Variants in TAS2R1 observed in about 807,000 individuals in gnomAD.
TAS2R1 encodes taste receptor type 2 member 1.
For synonymous variants in TAS2R1, 141 were observed against 134.2 expected, an observed-to-expected ratio of 1.05 and a Z score of -0.35; for missense variants, 370 against 353.4, an observed-to-expected ratio of 1.05 and a Z score of -0.38.
chr5:9,673,692 C>T (rs1358506306), intron 1 of TAS2R1, among the ~76,000 whole-genome samples: 1 of 151,590 alleles, frequency 6.6e-6, no homozygotes, highest in Non-Finnish European at 1.5e-5. Flanking sequence ...AAAAGTTTAG[C>T]GTTACCAGAG....
At chr5:9,842,671 T>C in the TAS2R1 span, among the ~76,000 whole-genome samples, 1 of 152,112 alleles carries the variant, frequency 6.6e-6, no homozygotes, top group Non-Finnish European at 1.5e-5. Context: ...TAAGCTGATT[T>C]GTGGCAAAGT....
At chr5:9,650,365 A>T (rs1366803257) in intron 2 of TAS2R1, among the ~76,000 whole-genome samples, 1 of 152,072 alleles carries the variant, frequency 6.6e-6, no homozygotes, top group Non-Finnish European at 1.5e-5. Context: ...GGGTGGGCAC[A>T]ATAAAAACTG....
the TAS2R1 span, among the ~76,000 whole-genome samples, chr5:9,866,698 C>A: frequency 6.6e-6 from 1 of 152,250 alleles, no homozygotes; most frequent in African/African-American, 2.4e-5. Context: ...TCATTCACTA[C>A]AATTTTTGTC....
chr5:9,644,791 A>C (rs149561470), intron 2 of TAS2R1, among the ~76,000 whole-genome samples: 2,337 of 152,262 alleles, frequency 0.015, 28 homozygotes, highest in Middle Eastern at 0.034. Flanking sequence ...GTCTGATGCC[A>C]TCTCTTTGTG....
upstream of TAS2R1, among the ~76,000 whole-genome samples, chr5:9,715,213 G>A (rs1317244201): frequency 6.6e-6 from 1 of 152,214 alleles, no homozygotes; most frequent in Non-Finnish European, 1.5e-5. Context: ...CTAGGAATTT[G>A]GGGCATATGG....
the TAS2R1 span, among the ~76,000 whole-genome samples, chr5:9,779,771 A>G: frequency 2.6e-5 from 4 of 152,268 alleles, no homozygotes; most frequent in Non-Finnish European, 5.9e-5. Flanking sequence ...AAAATGTTAC[A>G]CAGAGACCTG....
intron 1 of TAS2R1, among the ~76,000 whole-genome samples, chr5:9,700,195 A>T (rs546199494): frequency 2.0e-5 from 3 of 152,128 alleles, no homozygotes; most frequent in Non-Finnish European, 2.9e-5. Flanking sequence ...GAGTAAGTTG[A>T]TTTTTTAAAA....
the TAS2R1 span, among the ~76,000 whole-genome samples, chr5:9,886,315 A>G: frequency 2.0e-3 from 294 of 145,568 alleles, 2 homozygotes; most frequent in African/African-American, 7.3e-3. Flanking sequence ...TACAGGTGTG[A>G]GCCACTGCGC....
the TAS2R1 span, among the ~76,000 whole-genome samples, chr5:9,790,769 C>T: frequency 2.0e-5 from 3 of 152,296 alleles, no homozygotes; most frequent in Admixed American, 2.0e-4. Flanking sequence ...GCTGGCATTA[C>T]AGTCACTCGC....
At chr5:9,903,575 T>C in the TAS2R1 span, 3 of 152,014 alleles carry the variant, frequency 2.0e-5, no homozygotes, top group Admixed American at 2.0e-4. Context: ...ACAGATGATG[T>C]TTGGTTTTCC....
At chr5:9,693,982 A>C (rs1741306973) in intron 1 of TAS2R1, among the ~76,000 whole-genome samples, 1 of 152,224 alleles carries the variant, frequency 6.6e-6, no homozygotes, top group African/African-American at 2.4e-5. Context: ...TCTTCAAAGA[A>C]ATTACAAAAG....
chr5:9,834,060 C>A, the TAS2R1 span, among the ~76,000 whole-genome samples: 1 of 152,206 alleles, frequency 6.6e-6, no homozygotes, highest in African/African-American at 2.4e-5. Flanking sequence ...AGCTCCCCAG[C>A]TGCTCCCTTA....
the TAS2R1 span, among the ~76,000 whole-genome samples, chr5:9,892,081 C>T: frequency 6.6e-6 from 1 of 152,298 alleles, no homozygotes; most frequent in Admixed American, 6.5e-5. Flanking sequence ...CACACACACC[C>T]CAACCCTCTC....
the TAS2R1 span, among the ~76,000 whole-genome samples, chr5:9,854,734 G>A: frequency 6.6e-6 from 1 of 152,144 alleles, no homozygotes; most frequent in African/African-American, 2.4e-5. Flanking sequence ...ACAAAAAACA[G>A]GGAAGGTTAA....
chr5:9,895,979 A>T, the TAS2R1 span, among the ~76,000 whole-genome samples: 26 of 152,334 alleles, frequency 1.7e-4, no homozygotes, highest in African/African-American at 6.3e-4. Context: ...ACTGGTGAAA[A>T]TAGTGGCCTC....
the TAS2R1 span, among the ~76,000 whole-genome samples, chr5:9,726,692 G>A: frequency 3.3e-5 from 5 of 152,170 alleles, no homozygotes; most frequent in African/African-American, 7.2e-5. Flanking sequence ...TAGTTACCGC[G>A]AGGGTCCGCG....
At chr5:9,635,828 T>C (rs2521558) in intron 2 of TAS2R1, among the ~76,000 whole-genome samples, 144,386 of 152,194 alleles carry the variant, frequency 0.95, 69,112 homozygotes, top group Non-Finnish European at 1. Flanking sequence ...CTTCTCTCAT[T>C]TTTTCTTGGT....
At chr5:9,726,409 G>C in the TAS2R1 span, among the ~76,000 whole-genome samples, 11 of 152,282 alleles carry the variant, frequency 7.2e-5, no homozygotes, top group South Asian at 2.1e-3. Context: ...CCAGATAAGA[G>C]AATAAAAGCA....
the TAS2R1 span, among the ~76,000 whole-genome samples, chr5:9,744,810 AT>A: frequency 6.6e-6 from 1 of 152,204 alleles, no homozygotes; most frequent in Non-Finnish European, 1.5e-5. Context: ...TAAATTTTCC[AT>A]TTTGACTCAG....
Sources: allele counts gnomAD v4.1 joint callset (sites outside exome capture counted in the v4.1 genomes callset), GRCh38; gene constraint gnomAD v4.1.1; transcripts MANE v1.5; gene names NCBI Gene and HGNC (gene_info 2026-07-23, HGNC 2026-07-21).